PLCG2: variants seen among roughly 807,000 people sequenced by gnomAD.
PLCG2 encodes the protein 1-phosphatidylinositol 4,5-bisphosphate phosphodiesterase gamma-2.
In PLCG2, 69 loss-of-function variants were observed where a neutral mutation model predicts 175.6. The observed-to-expected ratio is 0.39, with a 90% CI of 0.32 to 0.48. The LOEUF is 0.48. Among genes scored for constraint, PLCG2 ranks in the 20% least tolerant of loss-of-function variants. PLCG2 has a pLI of 0.91. For synonymous variants in PLCG2, 827 were observed against 624.0 expected (o/e 1.33, Z -4.85); for missense variants, 1,798 against 1,650.9 (o/e 1.09, Z -1.54).
chr16:81,795,771 C>G (rs1049746120), intron 2 of PLCG2, among the ~76,000 whole-genome samples: 3 of 152,078 alleles, frequency 2.0e-5, no homozygotes, highest in African/African-American at 7.2e-5. Flanking sequence ...GTGATCACAG[C>G]TCACTGCAGC....
At chr16:81,803,840 C>G (rs1475549483) in intron 2 of PLCG2, among the ~76,000 whole-genome samples, 1 of 152,038 alleles carries the variant, frequency 6.6e-6, no homozygotes, top group Non-Finnish European at 1.5e-5. Context: ...TACCACCACA[C>G]CTGGCTAAGT....
chr16:81,958,311 T>G lies in PLCG2; in HGVS notation c.*313T>G, dbSNP rs892016357. 5.8e-5 allele frequency: 22 copies of G among 381,096 alleles called. No homozygotes were observed. In the Admixed American group the frequency reaches 6.8e-4, roughly 12 times the overall value. The allele number at this position is 381,096 out of a possible 1,614,324, so 23.6% of individuals were successfully genotyped here. A position where few individuals can be genotyped will look rare whatever the true frequency, so the allele number is the denominator to read the frequency against. On this transcript the variant is annotated 3_prime_UTR_variant, in exon 33 of 33. Transcript: ENST00000564138. ...AAACCTTGATCAATTAAGCCTTCTGTTGCACGACCTGTGCAGTGAACAGGA... is the reference window on the plus strand; with the variant it reads ...AAACCTTGATCAATTAAGCCTTCTGGTGCACGACCTGTGCAGTGAACAGGA...
intron 18 of PLCG2, among the ~76,000 whole-genome samples, chr16:81,911,340 C>G (rs549823431): frequency 1.3e-5 from 2 of 152,216 alleles, no homozygotes; most frequent in Non-Finnish European, 2.9e-5. Context: ...TTGTGAAACT[C>G]CTGCTGTGAT....
At chr16:81,912,508 A>G in intron 18 of PLCG2, 89 bp from the exon 19 acceptor site, 1 of 1,492,478 alleles carries the variant, frequency 6.7e-7, no homozygotes, top group African/African-American at 1.4e-5. Flanking sequence ...TCCAGGTGTC[A>G]CTGGTGCCAT....
chr16:81,877,636 G>C (rs959548111), intron 7 of PLCG2, among the ~76,000 whole-genome samples: 3 of 152,200 alleles, frequency 2.0e-5, no homozygotes, highest in Non-Finnish European at 4.4e-5. Context: ...TCGGAGTGTG[G>C]ACACCGCCTG....
rs2143721411 is a variant in PLCG2, at chr16:81,934,446, C to T, written c.2757C>T (p.Tyr919=). The T allele has an allele frequency of 2.5e-6, 4 of 1,611,956 alleles. No individual in the cohort carries two copies. Among genetic ancestry groups the T allele is most frequent in the Non-Finnish European group, 3.4e-6 (4 of 1,178,346 alleles). ...CCAAACAGGAGAACAACATGAAGTA[C>T]TGGGAGAAGAACCAGTCCATCGCCA... ...KIDTKENNMK[Y]WEKNQSIAIE... is the part of the protein sequence containing the mutation. The change falls in exon 26 of 33, where the codon TAC becomes TAT. Residue 919 remains tyrosine, a synonymous_variant. Transcript: ENST00000564138.
chr16:81,778,055 C>CA (rs1425376634), upstream of PLCG2, among the ~76,000 whole-genome samples: 3 of 56,778 alleles, frequency 5.3e-5, no homozygotes, highest in African/African-American at 1.7e-4. Flanking sequence ...AAAAAAAAAA[C>CA]AAAAAAAACC....
At chr16:81,741,093 C>T (rs1909583764) in intron 1 of PLCG2, among the ~76,000 whole-genome samples, 1 of 152,178 alleles carries the variant, frequency 6.6e-6, no homozygotes, top group African/African-American at 2.4e-5. Context: ...TGTTTTGATC[C>T]ACCTGCTGCC....
At chr16:81,827,362 T>G (rs1169956699) in intron 2 of PLCG2, among the ~76,000 whole-genome samples, 1 of 152,078 alleles carries the variant, frequency 6.6e-6, no homozygotes, top group Non-Finnish European at 1.5e-5. Context: ...TTTTGTATTT[T>G]TTTTTTGGTA....
At chr16:81,819,145 G>C (rs910116401) in intron 2 of PLCG2, among the ~76,000 whole-genome samples, 1 of 152,040 alleles carries the variant, frequency 6.6e-6, no homozygotes, top group Non-Finnish European at 1.5e-5. Flanking sequence ...GTGGGGTTCA[G>C]TGGAGGTTGG....
intron 27 of PLCG2, among the ~76,000 whole-genome samples, 195 bp downstream of exon 27, chr16:81,936,573 GCTTGGCTTACGC>G (rs1256323192): frequency 6.6e-6 from 1 of 152,238 alleles, no homozygotes; most frequent in African/African-American, 2.4e-5. Context: ...ACCGAAGGCT[GCTTGGCTTACGC>G]AGGCTTCGTG....
chr16:81,950,161 G>T (rs1911310303), intron 31 of PLCG2, among the ~76,000 whole-genome samples: 1 of 152,162 alleles, frequency 6.6e-6, no homozygotes, highest in South Asian at 2.1e-4. Context: ...TTGGTGAATA[G>T]GCTGAATCCT....
chr16:81,956,563 C>A (rs1208727184), intron 31 of PLCG2, 132 bp from the exon 32 acceptor site: 11 of 639,814 alleles, frequency 1.7e-5, no homozygotes, highest in Non-Finnish European at 3.0e-5. Flanking sequence ...GGCCCTGGCT[C>A]TTCTGGGCTA....
chr16:81,823,850 T>C (rs1904916575), intron 2 of PLCG2, among the ~76,000 whole-genome samples: 4 of 151,840 alleles, frequency 2.6e-5, no homozygotes. Flanking sequence ...TTTTCTTTTT[T>C]TTCCTTCCTT....
rs981629874 is a variant in PLCG2, at chr16:81,900,786, CACCCCGG to C, written c.1362+7_1362+13del. 2 of 1,593,808 alleles carry C rather than the reference CACCCCGG, an allele frequency of 1.3e-6. No homozygotes were observed. Among genetic ancestry groups the C allele is most frequent in the Non-Finnish European group, 1.7e-6 (2 of 1,163,540 alleles). ...GGGAGAAGATCATCATCAAGGTAGGCACCCCGGGTGCTGCTGTTGGCTGTCCAGGGAG... is the reference window on the plus strand; with the variant it reads ...GGGAGAAGATCATCATCAAGGTAGGCGTGCTGCTGTTGGCTGTCCAGGGAG... On this transcript the variant is annotated splice_region_variant and intron_variant, in intron 14 of 32. Coordinates refer to ENST00000564138, the MANE Select transcript of PLCG2 (RefSeq NM_002661.5).
At chr16:81,883,537 T>C in intron 9 of PLCG2, 196 bp downstream of exon 9, 1 of 598,950 alleles carries the variant, frequency 1.7e-6, no homozygotes, top group East Asian at 2.8e-5. Context: ...CTGATGCCAC[T>C]GAAACTCTGG....
At chr16:81,937,089 T>G (rs1910747248) in intron 27 of PLCG2, among the ~76,000 whole-genome samples, 1 of 152,234 alleles carries the variant, frequency 6.6e-6, no homozygotes, top group Non-Finnish European at 1.5e-5. Flanking sequence ...GCTTGCATTT[T>G]GATCAACTTT....
At chr16:81,808,569 C>G (rs569851148) in intron 2 of PLCG2, among the ~76,000 whole-genome samples, 1 of 152,246 alleles carries the variant, frequency 6.6e-6, no homozygotes, top group South Asian at 2.1e-4. Context: ...TCTCGGCTCG[C>G]TACAACCTCC....
intron 2 of PLCG2, among the ~76,000 whole-genome samples, chr16:81,791,229 G>A (rs1911217256): frequency 6.6e-6 from 1 of 152,172 alleles, no homozygotes; most frequent in Non-Finnish European, 1.5e-5. Context: ...TGTGGTGTGA[G>A]GAGGGAAGGT....
Sources: gnomAD v4.1 joint callset for allele counts (sites outside exome capture counted in the v4.1 genomes callset) on GRCh38, gnomAD v4.1.1 for gene constraint, MANE v1.5 for transcripts, NCBI Gene and HGNC (gene_info 2026-07-23, HGNC 2026-07-21) for gene names.